The following UNC5D variants were observed in gnomAD, a reference collection of about 807,000 sequenced individuals.
UNC5D encodes netrin receptor UNC5D.
In UNC5D, 39 loss-of-function variants were observed where a neutral mutation model predicts 105.4. That is an observed-to-expected ratio of 0.37 (90% confidence interval 0.29 to 0.48). The LOEUF (loss-of-function observed/expected upper bound fraction) is 0.48. Among genes scored for constraint, UNC5D ranks in the 20% least tolerant of loss-of-function variants. The pLI, the probability that UNC5D is intolerant of heterozygous loss-of-function variation, is 0.98. For missense variants in UNC5D, 991 were observed against 1,202.4 expected, an observed-to-expected ratio of 0.82 and a Z score of 2.60; for synonymous variants, 452 against 450.4, an observed-to-expected ratio of 1.00 and a Z score of -0.04.
At chr8:35,410,505 G>T (rs1805096308) in intron 1 of UNC5D, among the ~76,000 whole-genome samples, 1 of 152,028 alleles carries the variant, frequency 6.6e-6, no homozygotes, top group Admixed American at 6.6e-5. Flanking sequence ...ATTTAAGTTT[G>T]AGTGAGATTT....
intron 1 of UNC5D, among the ~76,000 whole-genome samples, chr8:35,471,906 C>A (rs1585920102): frequency 6.6e-6 from 1 of 152,108 alleles, no homozygotes; most frequent in South Asian, 2.1e-4. Context: ...TTATTGCCAA[C>A]CATGCAATGA....
At chr8:35,256,601 T>G (rs1804090157) in intron 1 of UNC5D, 1 of 151,350 alleles carries the variant, frequency 6.6e-6, no homozygotes, top group Admixed American at 6.6e-5. Flanking sequence ...TATTATGTGC[T>G]TTACAAAAAA....
At chr8:35,246,262 G>T (rs1001947315) in intron 1 of UNC5D, among the ~76,000 whole-genome samples, 1 of 151,916 alleles carries the variant, frequency 6.6e-6, no homozygotes, top group Admixed American at 6.6e-5. Flanking sequence ...GCTTTTCTTG[G>T]CATTTTAAAT....
chr8:35,279,013 A>G (rs1773865972), intron 1 of UNC5D, among the ~76,000 whole-genome samples: 1 of 152,182 alleles, frequency 6.6e-6, no homozygotes, highest in Non-Finnish European at 1.5e-5. Context: ...CCTAAGAAAG[A>G]GCCAGGATTT....
At chr8:35,785,154 T>G (rs947139389) in intron 16 of UNC5D, among the ~76,000 whole-genome samples, 54 of 152,042 alleles carry the variant, frequency 3.6e-4, no homozygotes, top group African/African-American at 1.3e-3. Flanking sequence ...CCCTGAATGG[T>G]GTGTGCATTT....
intron 2 of UNC5D, among the ~76,000 whole-genome samples, chr8:35,556,876 C>T (rs1563532280): frequency 6.6e-6 from 1 of 152,206 alleles, no homozygotes; most frequent in Non-Finnish European, 1.5e-5. Flanking sequence ...GTTCCAGCCT[C>T]ATTTTCCTAG....
chr8:35,721,371 A>G, intron 8 of UNC5D: 1 of 702,224 alleles, frequency 1.4e-6, no homozygotes. Flanking sequence ...AAGCAGCTAT[A>G]GCACATCTTG....
At chr8:35,329,333 A>G (rs1031199494) in intron 1 of UNC5D, among the ~76,000 whole-genome samples, 1 of 152,034 alleles carries the variant, frequency 6.6e-6, no homozygotes, top group Non-Finnish European at 1.5e-5. Flanking sequence ...TTAAAAAAAG[A>G]TAGCTTTCAG....
chr8:35,648,745 T>G (rs1167169464), intron 4 of UNC5D, among the ~76,000 whole-genome samples: 1 of 148,296 alleles, frequency 6.7e-6, no homozygotes, highest in South Asian at 2.1e-4. Flanking sequence ...AATAGTGAGA[T>G]AGTTTGCGAG....
At chr8:35,628,832 G>A (rs1472176372) in intron 4 of UNC5D, among the ~76,000 whole-genome samples, 2 of 152,100 alleles carry the variant, frequency 1.3e-5, no homozygotes, top group Admixed American at 1.3e-4. Flanking sequence ...CAACAGTGTG[G>A]CCCCTTCTAG....
chr8:35,517,759 T>C (rs751091366), intron 1 of UNC5D, among the ~76,000 whole-genome samples: 1 of 152,202 alleles, frequency 6.6e-6, no homozygotes, highest in Non-Finnish European at 1.5e-5. Flanking sequence ...CAAAGTACCA[T>C]GGACTGGGTA....
chr8:35,318,655 G>C (rs1299439745), intron 1 of UNC5D, among the ~76,000 whole-genome samples: 4 of 152,016 alleles, frequency 2.6e-5, no homozygotes, highest in African/African-American at 9.7e-5. Flanking sequence ...TTTCTGCTGA[G>C]AACTATAGAT....
At chr8:35,353,941 A>G (rs1446685960) in intron 1 of UNC5D, among the ~76,000 whole-genome samples, 1 of 152,122 alleles carries the variant, frequency 6.6e-6, no homozygotes, top group Admixed American at 6.5e-5. Flanking sequence ...GACGTTGTAG[A>G]GAGGTTGACT....
At chr8:35,474,232 C>T (rs1809931148) in intron 1 of UNC5D, among the ~76,000 whole-genome samples, 1 of 152,220 alleles carries the variant, frequency 6.6e-6, no homozygotes, top group African/African-American at 2.4e-5. Flanking sequence ...ATATTCTACT[C>T]ACAGTTTTCC....
chr8:35,683,780 G>C, intron 5 of UNC5D, 53 bp downstream of exon 5: 5 of 1,414,662 alleles, frequency 3.5e-6, no homozygotes, highest in Non-Finnish European at 4.6e-6. Context: ...AAGAGGTAGA[G>C]GGATGTGTGT....
chr8:35,723,435 A>T (rs545749118), intron 9 of UNC5D, among the ~76,000 whole-genome samples: 1 of 152,270 alleles, frequency 6.6e-6, no homozygotes, highest in Non-Finnish European at 1.5e-5. Flanking sequence ...TGATTTTTTA[A>T]GTGGTGTTAC....
At chr8:35,767,995 AAAAT>A (rs1801847782) in intron 15 of UNC5D, among the ~76,000 whole-genome samples, 6 of 150,800 alleles carry the variant, frequency 4.0e-5, no homozygotes, top group Admixed American at 3.3e-4. Flanking sequence ...TTTCACTTAT[AAAAT>A]AAATATATAT....
chr8:35,314,350 T>A (rs1250866323), intron 1 of UNC5D, among the ~76,000 whole-genome samples: 1 of 152,112 alleles, frequency 6.6e-6, no homozygotes, highest in Non-Finnish European at 1.5e-5. Flanking sequence ...TTCTCAAGTA[T>A]AGGGGGTCTT....
At chr8:35,678,176 T>C (rs1161438391) in intron 4 of UNC5D, among the ~76,000 whole-genome samples, 1 of 152,174 alleles carries the variant, frequency 6.6e-6, no homozygotes, top group East Asian at 1.9e-4. Context: ...ATCTTGAGCA[T>C]ACATCATTTA....
Sources: allele counts gnomAD v4.1 joint callset (sites outside exome capture counted in the v4.1 genomes callset), GRCh38; gene constraint gnomAD v4.1.1; transcripts MANE v1.5; gene names NCBI Gene and HGNC (gene_info 2026-07-23, HGNC 2026-07-21).